Variants in PTPRS observed in about 807,000 individuals in gnomAD.
PTPRS encodes the protein receptor-type tyrosine-protein phosphatase S.
A neutral mutation model predicts 215.3 loss-of-function variants in PTPRS; 63 were observed. The observed-to-expected ratio is 0.29, with a 90% CI of 0.24 to 0.36. The LOEUF is 0.36. PTPRS is among the 10% of genes least tolerant of loss of function. The pLI is 1.00. For missense variants in PTPRS, 2,258 were observed against 2,825.8 expected (o/e 0.80, Z 4.56); for synonymous variants, 1,404 against 1,191.4 (o/e 1.18, Z -3.68).
In PTPRS at chr19:5,208,323, C is replaced by A. The variant is rs144465422; in HGVS notation, c.5556G>T (p.Ser1852=). Residue 1852 remains serine, a synonymous_variant, in exon 36 of 38, where the codon TCG becomes TCT. Transcript: ENST00000262963. ...CAATGAAGTCGATGAAGCCCTCCCC[C>A]GACTTTGGCACACCCTGTTCCGGCC... ...TDWPEQGVPK[S]GEGFIDFIGQ... 1 of 1,614,030 alleles carries A rather than the reference C, an allele frequency of 6.2e-7. No individual in the cohort carries two copies. Among genetic ancestry groups the A allele is most frequent in the Admixed American group, 1.7e-5 (1 of 60,022 alleles).
At position 5,210,946 on chromosome 19, in the gene PTPRS, T is replaced by C; in HGVS notation, c.5235-141A>G. 1 of 1,170,368 alleles carries C rather than the reference T, an allele frequency of 8.5e-7. No individual in the cohort carries two copies. The highest frequency in any genetic ancestry group is 1.2e-6 in the Non-Finnish European group (1 of 853,170). 72.5% of individuals were successfully genotyped at this position (1,170,368 alleles called of 1,614,324 possible). On this transcript the variant is annotated intron_variant, in intron 33 of 37. Transcript: ENST00000262963. This position sits in a 1 kb window ranked among gnomAD's most constrained non-coding sequence, Gnocchi z 4.5. The stretch of plus-strand genomic sequence containing the variant: ...CTGCCTGCCAGGAATGGCTGCTGGG[T>C]GCACCACTTCCCCTCCTGGTGATCC...
chr19:5,232,013 C>A (rs1233162000), intron 13 of PTPRS, among the ~76,000 whole-genome samples: 1 of 152,210 alleles, frequency 6.6e-6, no homozygotes, highest in Non-Finnish European at 1.5e-5. Context: ...GCAACAGGAG[C>A]TCCATTTATT....
intron 13 of PTPRS, among the ~76,000 whole-genome samples, chr19:5,232,772 C>T (rs2043126144): frequency 6.6e-6 from 1 of 151,178 alleles, no homozygotes; most frequent in East Asian, 2.0e-4. Context: ...TGTGGTAAGG[C>T]ATTGTGCTGA....
In PTPRS at chr19:5,212,146, CTCATGAGCG is replaced by C; in HGVS notation, c.4865_4873del (p.Thr1622_Met1624del). On this transcript the variant is annotated inframe_deletion, in exon 32 of 38. Coordinates refer to ENST00000262963, the MANE Select transcript of PTPRS (RefSeq NM_002850.4). ...CTGCACCATGTAGTTGCGCTGGGAC[CTCATGAGCG>C]TCACGTGGCCATAGACATCGACTGT... 1 of 1,614,102 alleles carries C rather than the reference CTCATGAGCG, an allele frequency of 6.2e-7. No homozygotes were observed. The highest frequency in any genetic ancestry group is 8.5e-7 in the Non-Finnish European group (1 of 1,180,046).
chr19:5,296,886 G>T (rs1028848764), intron 1 of PTPRS, among the ~76,000 whole-genome samples: 2 of 152,178 alleles, frequency 1.3e-5, no homozygotes, highest in African/African-American at 4.8e-5. Flanking sequence ...GCTGTGGGGA[G>T]GGCAGACTGT....
chr19:5,257,935 G>T lies in PTPRS; in HGVS notation c.706+82C>A. 1 of 1,230,526 alleles carries T rather than the reference G, an allele frequency of 8.1e-7. No homozygotes were observed. Among genetic ancestry groups the T allele is most frequent in the Non-Finnish European group, 1.2e-6 (1 of 860,776 alleles). 76.2% of individuals were successfully genotyped at this position (1,230,526 alleles called of 1,614,324 possible). On this transcript the variant is annotated intron_variant, in intron 8 of 37. Coordinates refer to ENST00000262963, the MANE Select transcript of PTPRS (RefSeq NM_002850.4). This position sits in a 1 kb window ranked among gnomAD's most constrained non-coding sequence, Gnocchi z 4.4. ...GCTTGGGTGTGCAGGGGACGGGGGA[G>T]CCCGGAGGCGGTGAGCCCGAGGAGG...
intron 23 of PTPRS, 144 bp from the exon 24 acceptor site, chr19:5,218,942 A>G: frequency 1.8e-5 from 16 of 883,896 alleles, no homozygotes; most frequent in Non-Finnish European, 2.7e-5. Context: ...AATGGTGCTC[A>G]TATTTCCTGT....
At chr19:5,314,149 C>T (rs927826137) in intron 1 of PTPRS, among the ~76,000 whole-genome samples, 3 of 152,000 alleles carry the variant, frequency 2.0e-5, no homozygotes, top group Non-Finnish European at 2.9e-5. Context: ...ATCAATCAAT[C>T]GAGACCACAG....
intron 2 of PTPRS, among the ~76,000 whole-genome samples, chr19:5,276,644 C>G (rs1346115089): frequency 6.6e-6 from 1 of 151,938 alleles, no homozygotes; most frequent in African/African-American, 2.4e-5. Context: ...AGGTTCACAC[C>G]ATTCTCCTTC....
chr19:5,305,549 A>C (rs1035046279), intron 1 of PTPRS, among the ~76,000 whole-genome samples: 1 of 150,628 alleles, frequency 6.6e-6, no homozygotes, highest in African/African-American at 2.4e-5. Context: ...ACCCTATCTC[A>C]GACAAACAAA....
Position 5,295,650 on chromosome 19 carries a change from A to C in PTPRS, c.-94-9416T>G, listed in dbSNP as rs1367607818. On this transcript the variant is annotated intron_variant, in intron 1 of 37. Transcript: ENST00000262963. This position sits in a 1 kb window ranked among gnomAD's most constrained non-coding sequence, Gnocchi z 4.6. The stretch of plus-strand genomic sequence containing the variant: ...GGAGGTTCTCAGCAAACATTTGCAC[A>C]ATCAGGCCCAGCCTCACCCAGGAGA... 6.6e-6 allele frequency among the ~76,000 whole-genome samples: 1 copy of C among 152,230 alleles called. No individual in the cohort carries two copies. The highest frequency in any genetic ancestry group is 1.5e-5 in the Non-Finnish European group (1 of 68,046).
chr19:5,281,451 ACT>A (rs2047841793), intron 2 of PTPRS, among the ~76,000 whole-genome samples: 1 of 152,052 alleles, frequency 6.6e-6, no homozygotes. Flanking sequence ...ACAGGGCAAG[ACT>A]CTGTCTCAAA....
At position 5,207,954 on chromosome 19, in the gene PTPRS, G is replaced by C; in HGVS notation, c.5746C>G (p.Arg1916Gly). ...TGCACCATGGCCGGCCGCTGGGTTC[G>C]TAGCATCTTCACCGTCTGAAAGATG... ...VDIFQTVKML[R>G]TQRPAMVQTE... The change falls in exon 37 of 38, where the codon CGA (arginine) becomes GGA (glycine). Residue 1916 changes from arginine to glycine, a missense_variant. This residue lies in a region of PTPRS where 89 missense variants were observed against 104.0 expected (regional missense o/e 0.86). Transcript: ENST00000262963. 1 of 1,614,028 alleles carries C rather than the reference G, an allele frequency of 6.2e-7. No homozygotes were observed. Among genetic ancestry groups the C allele is most frequent in the South Asian group, 1.1e-5 (1 of 91,082 alleles).
At chr19:5,321,286 A>C (rs749053126) in intron 1 of PTPRS, among the ~76,000 whole-genome samples, 1 of 152,182 alleles carries the variant, frequency 6.6e-6, no homozygotes, top group Non-Finnish European at 1.5e-5. Context: ...AAAGAAAAAT[A>C]AAAAGAATAA....
At chr19:5,250,198 G>A (rs1430976407) in intron 9 of PTPRS, among the ~76,000 whole-genome samples, 1 of 152,180 alleles carries the variant, frequency 6.6e-6, no homozygotes, top group Non-Finnish European at 1.5e-5. Context: ...CGCCTCATTT[G>A]TTTCAAAGGG....
chr19:5,222,839 C>G lies in PTPRS; in HGVS notation c.2953G>C (p.Ala985Pro). Residue 985 changes from alanine (A) to proline (P), a missense_variant, in exon 18 of 38, where the codon GCA becomes CCA. Ala to Pro is a conservative substitution (Grantham distance 27, BLOSUM62 -1). This residue lies in a region of PTPRS where 361 missense variants were observed against 332.6 expected (regional missense o/e 1.09). Coordinates refer to ENST00000262963, the MANE Select transcript of PTPRS (RefSeq NM_002850.4). ...TTCTCCGCGCCCGGCTCAGCCGCTG[C>G]CGGCAGCTCAGTCTCTCGGGCAGGG... is the stretch of plus-strand genomic sequence containing the variant. The part of the protein sequence containing the change: ...LGPARETELP[A>P]AAEPGAENAL... 1 of 1,594,070 alleles carries G rather than the reference C, an allele frequency of 6.3e-7. No individual in the cohort carries two copies. Among genetic ancestry groups the G allele is most frequent in the South Asian group, 1.1e-5 (1 of 90,508 alleles).
At chr19:5,300,199 C>T (rs2049258657) in intron 1 of PTPRS, among the ~76,000 whole-genome samples, 1 of 150,806 alleles carries the variant, frequency 6.6e-6, no homozygotes, top group African/African-American at 2.4e-5. Context: ...TGAGATCATG[C>T]CACAGCACTA....
chr19:5,309,074 T>C (rs1050040207), intron 1 of PTPRS, among the ~76,000 whole-genome samples: 25 of 151,210 alleles, frequency 1.7e-4, no homozygotes, highest in African/African-American at 6.1e-4. Context: ...GGGAGGTGAG[T>C]GCCAAGTGGG....
At chr19:5,274,823 C>T (rs2047220466) in intron 2 of PTPRS, among the ~76,000 whole-genome samples, 1 of 152,148 alleles carries the variant, frequency 6.6e-6, no homozygotes, top group Non-Finnish European at 1.5e-5. Context: ...CCTGGTGAGA[C>T]ATGTGGGGAA....
Sources: allele counts gnomAD v4.1 joint callset (sites outside exome capture counted in the v4.1 genomes callset), GRCh38; gene constraint gnomAD v4.1.1; regional missense constraint gnomAD v4.1.1; non-coding constraint Gnocchi (gnomAD v3.1); transcripts MANE v1.5; gene names NCBI Gene and HGNC (gene_info 2026-07-23, HGNC 2026-07-21).